Variants in TRIM63 observed in about 807,000 individuals in gnomAD.
TRIM63 encodes E3 ubiquitin-protein ligase TRIM63.
In TRIM63, 48 loss-of-function variants were observed where a neutral mutation model predicts 46.0. The ratio of observed to expected loss-of-function variants is 1.04; its 90% CI spans 0.83 to 1.33. The LOEUF is 1.33. Among genes scored for constraint, TRIM63 ranks in the 40% most tolerant of loss-of-function variants. The pLI is 0.00. For missense variants in TRIM63, 455 were observed against 441.2 expected (o/e 1.03, Z -0.28); for synonymous variants, 175 against 162.8 (o/e 1.08, Z -0.57).
intron 5 of TRIM63, 102 bp downstream of exon 5, chr1:26,058,288 G>C: frequency 9.9e-7 from 1 of 1,014,392 alleles, no homozygotes. Flanking sequence ...GGTTTAAATG[G>C]CTTTTCCAAG....
In TRIM63 at chr1:26,053,910, G is replaced by A; in HGVS notation, c.1034C>T (p.Thr345Ile). The A allele has an allele frequency of 6.3e-7, 1 of 1,593,630 alleles. No individual in the cohort carries two copies. Among genetic ancestry groups the A allele is most frequent in the Admixed American group, 1.9e-5 (1 of 52,366 alleles). The change falls in exon 8 of 9, where the codon ACA becomes ATA. Residue 345 changes from threonine (T) to isoleucine (I), a missense_variant. By Grantham distance (89) the Thr-to-Ile change is moderately conservative (BLOSUM62 -1). Coordinates refer to ENST00000374272, the MANE Select transcript of TRIM63 (RefSeq NM_032588.4). ...EEEDQEEEES[T>I]EGKEEGHQ ...TTTCTTACCTTCTTCCTTCCCTTCT[G>A]TGGACTCTTCCTCTTCCTGATCTTC...
Position 26,061,160 on chromosome 1 carries a change from C to A in TRIM63, c.501+6G>T, listed in dbSNP as rs763359746. The stretch of plus-strand genomic sequence containing the variant: ...GGCTGGGGGTAAAAGTGGCTGGAGA[C>A]AGTACCTTTTGTCCCTGGAAGACAC... On this transcript the variant is annotated splice_donor_region_variant and intron_variant, in intron 3 of 8. Coordinates refer to ENST00000374272, the MANE Select transcript of TRIM63 (RefSeq NM_032588.4). 6.2e-7 allele frequency: 1 copy of A among 1,612,856 alleles called. No individual in the cohort carries two copies. Among genetic ancestry groups the A allele is most frequent in the Non-Finnish European group, 8.5e-7 (1 of 1,179,422 alleles).
chr1:26,052,253 T>C (rs1253169674), intron 8 of TRIM63, among the ~76,000 whole-genome samples: 1 of 152,228 alleles, frequency 6.6e-6, no homozygotes, highest in Non-Finnish European at 1.5e-5. Context: ...ACGTCAGTAC[T>C]GTTAGACCCC....
Position 26,061,333 on chromosome 1 carries a change from G to A in TRIM63, c.334C>T (p.Arg112Trp), listed in dbSNP as rs145769000. Residue 112 changes from arginine (R) to tryptophan (W), a missense_variant and splice_region_variant, in exon 3 of 9, where the codon CGG becomes TGG. Arg to Trp is a moderately radical substitution (Grantham distance 101). Coordinates refer to ENST00000374272, the MANE Select transcript of TRIM63 (RefSeq NM_032588.4). ...IDIYKQECSS[R>W]PLQKGSHPMC... ...GGGTGACTGCCCTTCTGCAGCGGCC[G>A]ACTGCAGTGGAGAACAGTCACAAGT... is the stretch of plus-strand genomic sequence containing the variant. 8.4e-5 allele frequency: 136 copies of A among 1,613,502 alleles called. No individual in the cohort carries two copies. The highest frequency in any genetic ancestry group is 1.0e-4 in the Non-Finnish European group (121 of 1,179,804).
chr1:26,063,206 A>G (rs2050643600), intron 2 of TRIM63, among the ~76,000 whole-genome samples: 1 of 152,098 alleles, frequency 6.6e-6, no homozygotes, highest in African/African-American at 2.4e-5. Context: ...AGTAGCTGCA[A>G]CTGGTGCATA....
chr1:26,053,440 G>T (rs1281570811), intron 8 of TRIM63, among the ~76,000 whole-genome samples: 1 of 151,916 alleles, frequency 6.6e-6, no homozygotes, highest in African/African-American at 2.4e-5. Flanking sequence ...GTTTAGTAGA[G>T]ACAGGGTTTC....
intron 2 of TRIM63, among the ~76,000 whole-genome samples, chr1:26,065,056 C>T (rs1225664262): frequency 6.6e-6 from 1 of 151,856 alleles, no homozygotes; most frequent in African/African-American, 2.4e-5. Flanking sequence ...TGGAGTCTCA[C>T]TCTGTCACCC....
chr1:26,064,354 C>T (rs946459014), intron 2 of TRIM63, among the ~76,000 whole-genome samples: 3 of 151,940 alleles, frequency 2.0e-5, no homozygotes, highest in Non-Finnish European at 2.9e-5. Flanking sequence ...TCACTTGAAC[C>T]GAGGAGGTGG....
At chr1:26,059,023 C>CTTT (rs986591996) in intron 4 of TRIM63, among the ~76,000 whole-genome samples, 4,592 of 116,876 alleles carry the variant, frequency 0.039, 415 homozygotes, top group African/African-American at 0.14. Flanking sequence ...CTCTGTTGCC[C>CTTT]TTTTTTTTTT....
chr1:26,057,109 G>C, intron 7 of TRIM63, 94 bp downstream of exon 7: 1 of 1,478,246 alleles, frequency 6.8e-7, no homozygotes, highest in South Asian at 1.2e-5. Context: ...ATCTTTATTA[G>C]TGTATCTGCC....
Position 26,051,528 on chromosome 1 carries a change from A to G in TRIM63, c.*345T>C, listed in dbSNP as rs912395723. 7.4e-5 allele frequency: 14 copies of G among 187,996 alleles called. No homozygotes were observed. Among genetic ancestry groups the G allele is most frequent in the African/African-American group, 2.3e-4 (10 of 42,818 alleles). 11.6% of individuals were successfully genotyped at this position (187,996 alleles called of 1,614,324 possible). ...TCACCCAACGACCAGGCATTATTAT[A>G]CAAAAGTTCCTTTACAAAAAGCACC... is the stretch of plus-strand genomic sequence containing the variant. On this transcript the variant is annotated 3_prime_UTR_variant, in exon 9 of 9. Coordinates refer to ENST00000374272, the MANE Select transcript of TRIM63 (RefSeq NM_032588.4).
chr1:26,059,188 A>AT (rs1167430539), intron 4 of TRIM63, among the ~76,000 whole-genome samples: 2 of 151,514 alleles, frequency 1.3e-5, no homozygotes, highest in African/African-American at 2.4e-5. Context: ...ACGCCTGGCT[A>AT]TTTTTTTGTA....
intron 5 of TRIM63, 30 bp from the exon 6 acceptor site, chr1:26,057,680 G>A (rs768834651): frequency 1.9e-6 from 3 of 1,591,618 alleles, no homozygotes; most frequent in Non-Finnish European, 2.6e-6. Context: ...AAAGGATTAG[G>A]ACCGCAGAAG....
chr1:26,062,298 G>C (rs1438220421), intron 2 of TRIM63, among the ~76,000 whole-genome samples: 1 of 150,442 alleles, frequency 6.6e-6, no homozygotes, highest in Non-Finnish European at 1.5e-5. Context: ...AAGAAAGAAA[G>C]AAAGAATAAA....
chr1:26,051,782 T>TA lies in TRIM63; in HGVS notation c.*90_*91insT. 4.4e-5 allele frequency: 10 copies of TA among 227,184 alleles called. No homozygotes were observed. Among genetic ancestry groups the TA allele is most frequent in the Admixed American group, 9.4e-5 (2 of 21,170 alleles). The allele number at this position is 227,184 out of a possible 1,614,324, so 14.1% of individuals were successfully genotyped here. A position where few individuals can be genotyped will look rare whatever the true frequency, so the allele number is the denominator to read the frequency against. ...TTGCCCCTCCAGGGGCCCCGACCCCTCCCACCCTGGGCCTGTCACCAAGGC... is the reference window on the plus strand; with the variant it reads ...TTGCCCCTCCAGGGGCCCCGACCCCTACCCACCCTGGGCCTGTCACCAAGGC... On this transcript the variant is annotated 3_prime_UTR_variant, in exon 9 of 9. Coordinates refer to ENST00000374272, the MANE Select transcript of TRIM63 (RefSeq NM_032588.4).
At chr1:26,067,206 G>T (rs2050686257) in intron 1 of TRIM63, 130 bp downstream of exon 1, 3 of 1,148,930 alleles carry the variant, frequency 2.6e-6, no homozygotes, top group East Asian at 5.1e-5. Flanking sequence ...CTGTCCAGAG[G>T]CCTCTGCAGG....
chr1:26,061,638 G>C (rs1409186488), intron 2 of TRIM63, among the ~76,000 whole-genome samples: 2 of 152,220 alleles, frequency 1.3e-5, no homozygotes, highest in Admixed American at 1.3e-4. Context: ...GACACAGAAA[G>C]GGCCATAGAA....
intron 2 of TRIM63, among the ~76,000 whole-genome samples, chr1:26,065,872 C>T (rs1431054105): frequency 6.6e-6 from 1 of 152,216 alleles, no homozygotes; most frequent in African/African-American, 2.4e-5. Flanking sequence ...ATTCCCAGTG[C>T]CTGACGCTGT....
chr1:26,052,487 T>A (rs3008220), intron 8 of TRIM63, among the ~76,000 whole-genome samples: 1 of 152,156 alleles, frequency 6.6e-6, no homozygotes, highest in East Asian at 1.9e-4. Context: ...TTTTTTGAGA[T>A]GGAGTTTCAC....
Sources: gnomAD v4.1 joint callset for allele counts (sites outside exome capture counted in the v4.1 genomes callset) on GRCh38, gnomAD v4.1.1 for gene constraint, MANE v1.5 for transcripts, NCBI Gene and HGNC (gene_info 2026-07-23, HGNC 2026-07-21) for gene names.